HEPHL1: variants seen among roughly 807,000 people sequenced by gnomAD.
HEPHL1 encodes the protein hephaestin like 1, also known as ferroxidase HEPHL1.
A neutral mutation model predicts 122.0 loss-of-function variants in HEPHL1; 123 were observed. The ratio of observed to expected loss-of-function variants is 1.01; its 90% CI spans 0.87 to 1.17. The LOEUF is 1.17. Among genes scored for constraint, HEPHL1 ranks in the 50% most tolerant of loss-of-function variants. The probability of loss-of-function intolerance (pLI) is 0.00; values close to 1 mark genes in which losing one functional copy is unlikely to be tolerated. For missense variants in HEPHL1, 1,452 were observed against 1,430.5 expected (o/e 1.01, Z -0.24); for synonymous variants, 527 against 508.9 (o/e 1.04, Z -0.48).
chr11:94,093,398 A>G, intron 12 of HEPHL1, 103 bp from the exon 13 acceptor site: 1 of 1,304,244 alleles, frequency 7.7e-7, no homozygotes, highest in South Asian at 1.2e-5. Context: ...GATCACAGCC[A>G]GGTTTGGGGA....
intron 5 of HEPHL1, among the ~76,000 whole-genome samples, chr11:94,068,826 G>A (rs73552910): frequency 0.074 from 11,274 of 152,140 alleles, 1,062 homozygotes; most frequent in African/African-American, 0.21. Flanking sequence ...ATATGTTAAT[G>A]GAATAGACAC....
rs1946469626 is a variant in HEPHL1 at position 94,113,672 on chromosome 11, T to TTTA, written c.*1781_*1783dup. On this transcript the variant is annotated 3_prime_UTR_variant, in exon 20 of 20. Coordinates refer to ENST00000315765, the MANE Select transcript of HEPHL1 (RefSeq NM_001098672.2). ...TTCAGTTGTTTTTTTTTCTTTTCAG[T>TTTA]TTATTTTTTTAATGAAAACAAAACC... 6.6e-6 allele frequency: 1 copy of TTTA among 152,120 alleles called. No homozygotes were observed. The highest frequency in any genetic ancestry group is 2.4e-5 in the African/African-American group (1 of 41,410). The allele number at this position is 152,120 out of a possible 1,614,324, so 9.4% of individuals were successfully genotyped here.
At chr11:94,041,448 G>T (rs1394402319) in intron 1 of HEPHL1, among the ~76,000 whole-genome samples, 73 of 139,450 alleles carry the variant, frequency 5.2e-4, no homozygotes, top group African/African-American at 2.0e-3. Flanking sequence ...AAAGCTGGAG[G>T]CATCACACTA....
chr11:94,098,514 T>C (rs1271159233), intron 13 of HEPHL1, among the ~76,000 whole-genome samples: 2 of 152,148 alleles, frequency 1.3e-5, no homozygotes, highest in Non-Finnish European at 2.9e-5. Flanking sequence ...TCTCGAGGAG[T>C]ATCTTTGTGG....
At chr11:94,093,289 G>A (rs542097465) in intron 12 of HEPHL1, among the ~76,000 whole-genome samples, 3 of 152,186 alleles carry the variant, frequency 2.0e-5, no homozygotes, top group South Asian at 4.2e-4. Context: ...GACTGGTGCT[G>A]GGCTGCCCAT....
intron 4 of HEPHL1, among the ~76,000 whole-genome samples, chr11:94,065,281 C>A (rs1946024321): frequency 6.6e-6 from 1 of 152,130 alleles, no homozygotes; most frequent in Admixed American, 6.6e-5. Flanking sequence ...ACCAAGGTAT[C>A]CTCAATATAG....
intron 14 of HEPHL1, among the ~76,000 whole-genome samples, chr11:94,102,649 T>C (rs1946376981): frequency 6.6e-6 from 1 of 152,200 alleles, no homozygotes; most frequent in Admixed American, 6.5e-5. Flanking sequence ...TATAAAATGT[T>C]TTTATTTCCT....
At chr11:94,101,169 C>T (rs1946364338) in intron 13 of HEPHL1, 26 bp from the exon 14 acceptor site, 4 of 1,608,154 alleles carry the variant, frequency 2.5e-6, no homozygotes, top group African/African-American at 1.3e-5. Flanking sequence ...AATAATAATG[C>T]ACACAGGCCT....
chr11:94,080,883 T>G lies in HEPHL1; in HGVS notation c.1717-1535T>G, dbSNP rs189300247. Among the ~76,000 whole-genome samples the G allele has an allele frequency of 5.7e-3, 862 of 152,290 alleles. 10 individuals are homozygous for G. The highest frequency in any genetic ancestry group is 0.02 in the African/African-American group (832 of 41,566). On this transcript the variant is annotated intron_variant, in intron 9 of 19. Coordinates refer to ENST00000315765, the MANE Select transcript of HEPHL1 (RefSeq NM_001098672.2). ...TCAACCATTGTGGAAGACAGTATGG[T>G]GATTCCTCAAAGACCTAGAACCAGA...
intron 10 of HEPHL1, 105 bp downstream of exon 10, chr11:94,082,673 G>A: frequency 9.2e-7 from 1 of 1,087,738 alleles, no homozygotes; most frequent in Non-Finnish European, 1.3e-6. Flanking sequence ...CTTGGATATT[G>A]TTCTTGGTCA....
At chr11:94,054,667 T>C (rs958724282) in intron 2 of HEPHL1, among the ~76,000 whole-genome samples, 3 of 152,228 alleles carry the variant, frequency 2.0e-5, no homozygotes, top group African/African-American at 7.2e-5. Context: ...ACATGTGTAC[T>C]CAGGCTGACA....
At chr11:94,036,389 G>A (rs1399700782) in intron 1 of HEPHL1, among the ~76,000 whole-genome samples, 1 of 152,162 alleles carries the variant, frequency 6.6e-6, no homozygotes, top group Non-Finnish European at 1.5e-5. Context: ...AGAAGGGAGA[G>A]AAGAATCAAA....
rs75491209 is a variant in HEPHL1, at chr11:94,055,625, G to A, written c.416-7883G>A. ...CTCTTAGTGATGTACAGCAGCACACGCTCATCATAGTCCTTTCCAATGCTG... is the reference window on the plus strand; with the variant it reads ...CTCTTAGTGATGTACAGCAGCACACACTCATCATAGTCCTTTCCAATGCTG... On this transcript the variant is annotated intron_variant, in intron 2 of 19. Transcript: ENST00000315765. The A allele has an allele frequency of 7.3e-3, 2,776 of 379,928 alleles. 18 individuals are homozygous for A. The highest frequency in any genetic ancestry group is 0.012 in the South Asian group (562 of 47,486). The allele number at this position is 379,928 out of a possible 1,614,324, so 23.5% of individuals were successfully genotyped here. A position where few individuals can be genotyped will look rare whatever the true frequency, so the allele number is the denominator to read the frequency against.
Position 94,067,537 on chromosome 11 carries a change from A to G in HEPHL1, c.850A>G (p.Met284Val). 6.2e-7 allele frequency: 1 copy of G among 1,613,582 alleles called. No homozygotes were observed. The highest frequency in any genetic ancestry group is 8.5e-7 in the Non-Finnish European group (1 of 1,179,636). ...YLFGNFPEPDMCVGESVSWHL... is the reference protein window; with the variant it reads ...YLFGNFPEPDVCVGESVSWHL... ...CTTCGGAAACTTCCCGGAGCCTGAT[A>G]TGTGTGTTGGAGAATCTGTGTCCTG... The change falls in exon 5 of 20, where the codon ATG becomes GTG. Residue 284 changes from methionine (M) to valine (V), a missense_variant. Physicochemically the swap from Met to Val is conservative, Grantham distance 21 (BLOSUM62 1). Coordinates refer to ENST00000315765, the MANE Select transcript of HEPHL1 (RefSeq NM_001098672.2).
chr11:94,045,436 G>A (rs1217908629), intron 1 of HEPHL1, among the ~76,000 whole-genome samples: 1 of 152,204 alleles, frequency 6.6e-6, no homozygotes, highest in African/African-American at 2.4e-5. Flanking sequence ...GAGTTCTTTG[G>A]ATTTGTTTTA....
At chr11:94,070,866 C>A (rs895748122) in intron 6 of HEPHL1, among the ~76,000 whole-genome samples, 3 of 151,952 alleles carry the variant, frequency 2.0e-5, no homozygotes, top group Non-Finnish European at 4.4e-5. Context: ...TAGAGTAAGG[C>A]CTTTACACAT....
At chr11:94,103,132 A>G in intron 15 of HEPHL1, 112 bp downstream of exon 15, 2 of 698,618 alleles carry the variant, frequency 2.9e-6, no homozygotes, top group South Asian at 1.6e-5. Flanking sequence ...ATTTAGAGCA[A>G]GGGTCTCATA....
Position 94,082,543 on chromosome 11 carries a change from G to A in HEPHL1, c.1842G>A (p.Glu614=). The change falls in exon 10 of 20, where the codon GAG becomes GAA. Residue 614 remains glutamate (E), a synonymous_variant. Coordinates refer to ENST00000315765, the MANE Select transcript of HEPHL1 (RefSeq NM_001098672.2). The part of the protein sequence containing the change: ...HPFSIDKEDK[E]FVKSNRMHAV... Reference sequence around the variant, plus strand: ...TCAGCATTGACAAAGAAGATAAAGAGTTTGTGAAATCCAACCGAATGCATG... The same window carrying A: ...TCAGCATTGACAAAGAAGATAAAGAATTTGTGAAATCCAACCGAATGCATG... The A allele has an allele frequency of 2.5e-6, 4 of 1,611,640 alleles. No homozygotes were observed. The highest frequency in any genetic ancestry group is 1.1e-5 in the South Asian group (1 of 90,184).
chr11:94,089,142 C>T (rs1946244086), intron 12 of HEPHL1, among the ~76,000 whole-genome samples, 174 bp downstream of exon 12: 1 of 152,200 alleles, frequency 6.6e-6, no homozygotes. Context: ...CTCCGGAAGG[C>T]AGCGTGCGGT....
Sources: allele counts gnomAD v4.1 joint callset (sites outside exome capture counted in the v4.1 genomes callset), GRCh38; gene constraint gnomAD v4.1.1; transcripts MANE v1.5; gene names NCBI Gene and HGNC (gene_info 2026-07-23, HGNC 2026-07-21).